PTPRM: variants seen among roughly 807,000 people sequenced by gnomAD.
PTPRM encodes the protein receptor-type tyrosine-protein phosphatase mu.
A neutral mutation model predicts 186.7 loss-of-function variants in PTPRM; 47 were observed. The observed-to-expected ratio is 0.25, with a 90% CI of 0.20 to 0.32. The LOEUF (loss-of-function observed/expected upper bound fraction) is 0.32, where lower values mean the gene tolerates loss of function less well. Ranked by LOEUF, PTPRM falls within the 10% of genes least tolerant of loss-of-function variation. The probability of loss-of-function intolerance (pLI) is 1.00; values close to 1 mark genes in which losing one functional copy is unlikely to be tolerated. For missense variants in PTPRM, 1,494 were observed against 1,865.0 expected, an observed-to-expected ratio of 0.80 and a Z score of 3.66; for synonymous variants, 668 against 674.9, an observed-to-expected ratio of 0.99 and a Z score of 0.16.
intron 2 of PTPRM, among the ~76,000 whole-genome samples, chr18:7,843,957 A>G (rs1237436773): frequency 2.6e-5 from 4 of 152,194 alleles, no homozygotes; most frequent in African/African-American, 9.7e-5. Context: ...GATAACATAC[A>G]TATGGCCTCT....
rs72916885 is a variant in PTPRM at position 8,320,658 on chromosome 18, G to A, written c.2956+1444G>A. 6.3e-3 allele frequency among the ~76,000 whole-genome samples: 966 copies of A among 152,272 alleles called. 6 individuals carry two copies. The highest frequency in any genetic ancestry group is 9.8e-3 in the Non-Finnish European group (665 of 68,020). On this transcript the variant is annotated intron_variant, in intron 22 of 32. Transcript: ENST00000580170. ...AAGCTCCAGCTATGGCTGAAATGGA[G>A]CCACTGTGGAAACTGATCCTGCCCC... is the stretch of plus-strand genomic sequence containing the variant.
At chr18:7,795,433 C>G (rs966919) in intron 2 of PTPRM, among the ~76,000 whole-genome samples, 1 of 148,302 alleles carries the variant, frequency 6.7e-6, no homozygotes, top group Non-Finnish European at 1.5e-5. Context: ...TGACAACATT[C>G]TTAGGTTTAT....
At chr18:7,719,698 A>G (rs1199028074) in intron 1 of PTPRM, among the ~76,000 whole-genome samples, 8 of 152,176 alleles carry the variant, frequency 5.3e-5, no homozygotes, top group African/African-American at 1.9e-4. Flanking sequence ...AAACAAGGCA[A>G]GGATCCCACT....
At chr18:7,974,933 T>A (rs931415476) in intron 7 of PTPRM, among the ~76,000 whole-genome samples, 1 of 152,218 alleles carries the variant, frequency 6.6e-6, no homozygotes, top group Non-Finnish European at 1.5e-5. Context: ...TGTGAAAAGA[T>A]CCTGACTGGC....
intron 1 of PTPRM, among the ~76,000 whole-genome samples, chr18:7,602,131 G>A (rs182159071): frequency 5.1e-4 from 78 of 152,264 alleles, no homozygotes; most frequent in African/African-American, 1.7e-3. Flanking sequence ...TGAATTGGCC[G>A]TCTCCTTCAA....
intron 13 of PTPRM, among the ~76,000 whole-genome samples, chr18:8,142,759 C>T (rs767952260): frequency 2.6e-5 from 4 of 152,220 alleles, no homozygotes; most frequent in Non-Finnish European, 4.4e-5. Context: ...AGCATCATCA[C>T]ATTCTGATTT....
chr18:8,365,270 A>G (rs2095621491), intron 23 of PTPRM, among the ~76,000 whole-genome samples: 1 of 152,078 alleles, frequency 6.6e-6, no homozygotes, highest in South Asian at 2.1e-4. Context: ...AGCCACTTGC[A>G]CTCCCTAGGC....
chr18:8,169,199 T>C (rs987065712), intron 14 of PTPRM, among the ~76,000 whole-genome samples: 1 of 152,142 alleles, frequency 6.6e-6, no homozygotes, highest in Non-Finnish European at 1.5e-5. Flanking sequence ...CCGAGTCCTA[T>C]TTTCTCCAAC....
chr18:8,149,469 G>A (rs1478492934), intron 14 of PTPRM, among the ~76,000 whole-genome samples: 1 of 152,126 alleles, frequency 6.6e-6, no homozygotes, highest in East Asian at 1.9e-4. Flanking sequence ...GACTAGGATT[G>A]TAACTCCTGA....
Position 8,379,247 on chromosome 18 carries a change from G to A in PTPRM, c.3693G>A (p.Arg1231=), listed in dbSNP as rs771862211. 1.9e-6 allele frequency: 3 copies of A among 1,614,074 alleles called. No individual in the cohort carries two copies. Among genetic ancestry groups the A allele is most frequent in the East Asian group, 4.5e-5 (2 of 44,878 alleles). The change falls in exon 28 of 33, where the codon CGG becomes CGA. Residue 1231 remains arginine (R), a synonymous_variant. Coordinates refer to ENST00000580170, the MANE Select transcript of PTPRM (RefSeq NM_001105244.2). ...ALLPRNHEKN[R]CMDILPPDRC... Reference sequence around the variant, plus strand: ...TGCCCCGGAACCATGAGAAAAACCGGTGCATGGACATCCTGCCCCCAGACC... The same window carrying A: ...TGCCCCGGAACCATGAGAAAAACCGATGCATGGACATCCTGCCCCCAGACC...
intron 23 of PTPRM, among the ~76,000 whole-genome samples, chr18:8,362,140 G>A (rs2095600597): frequency 1.3e-5 from 2 of 152,130 alleles, no homozygotes; most frequent in Admixed American, 6.5e-5. Context: ...CGCTGGTGAT[G>A]GGGTTGCCAG....
intron 5 of PTPRM, among the ~76,000 whole-genome samples, chr18:7,945,420 G>A (rs960430545): frequency 6.6e-6 from 1 of 151,768 alleles, no homozygotes; most frequent in African/African-American, 2.4e-5. Context: ...AGCAGAGATG[G>A]CGCCACTGCA....
At chr18:7,705,285 A>G (rs2040055099) in intron 1 of PTPRM, among the ~76,000 whole-genome samples, 1 of 106,592 alleles carries the variant, frequency 9.4e-6, no homozygotes. Context: ...CTATTTATCT[A>G]TCTATCTATC....
chr18:8,283,820 G>A (rs1231148349), intron 19 of PTPRM, among the ~76,000 whole-genome samples: 1 of 151,916 alleles, frequency 6.6e-6, no homozygotes, highest in Admixed American at 6.6e-5. Context: ...GTGGGGTCTC[G>A]CTATGTTGCC....
chr18:7,891,310 A>C (rs987599477), intron 3 of PTPRM, among the ~76,000 whole-genome samples: 1 of 151,630 alleles, frequency 6.6e-6, no homozygotes, highest in African/African-American at 2.4e-5. Context: ...AAATAAGGAA[A>C]AAAGAAAGCA....
rs762478225 is a variant in PTPRM, at chr18:7,626,586, AAGAG to A, written c.73+58696_73+58699del. Among the ~76,000 whole-genome samples, 32 of 152,264 alleles carry A rather than the reference AAGAG, an allele frequency of 2.1e-4. 1 individual carries two copies. The highest frequency in any genetic ancestry group is 3.5e-4 in the Non-Finnish European group (24 of 68,008). ...CAGCCACACAGCTGGTGGCTTCACA[AAGAG>A]CTAGGTTAGCAGTGAGGTTGTCCTG... is the stretch of plus-strand genomic sequence containing the variant. On this transcript the variant is annotated intron_variant, in intron 1 of 32. Coordinates refer to ENST00000580170, the MANE Select transcript of PTPRM (RefSeq NM_001105244.2).
intron 1 of PTPRM, among the ~76,000 whole-genome samples, chr18:7,594,458 C>T (rs547824949): frequency 4.0e-5 from 6 of 151,090 alleles, no homozygotes; most frequent in South Asian, 2.1e-4. Context: ...CTAGCCCAGG[C>T]GACAGAACGA....
At chr18:8,393,105 A>G (rs1598587006) in intron 31 of PTPRM, among the ~76,000 whole-genome samples, 1 of 152,358 alleles carries the variant, frequency 6.6e-6, no homozygotes, top group East Asian at 1.9e-4. Context: ...CCTCCCAGAT[A>G]TTTATTGACT....
At chr18:7,763,091 A>T (rs554366392) in intron 1 of PTPRM, among the ~76,000 whole-genome samples, 11 of 152,346 alleles carry the variant, frequency 7.2e-5, no homozygotes, top group Admixed American at 6.5e-4. Context: ...GGAGACCAGC[A>T]TAATGTTTCT....
Sources: gnomAD v4.1 joint callset for allele counts (sites outside exome capture counted in the v4.1 genomes callset) on GRCh38, gnomAD v4.1.1 for gene constraint, MANE v1.5 for transcripts, NCBI Gene and HGNC (gene_info 2026-07-23, HGNC 2026-07-21) for gene names.